The following DLGAP2 variants were observed in gnomAD, a reference collection of about 807,000 sequenced individuals.
The protein encoded by DLGAP2 is DLG associated protein 2.
Under a neutral mutation model 100.3 loss-of-function variants are expected in DLGAP2, and 26 were observed. That is an observed-to-expected ratio of 0.26 (90% CI 0.19 to 0.36). The LOEUF is 0.36. DLGAP2 is among the 10% of genes least tolerant of loss of function. DLGAP2 has a pLI of 1.00. For missense variants in DLGAP2, 1,858 were observed against 1,453.2 expected (o/e 1.28, Z -4.53); for synonymous variants, 886 against 630.1 (o/e 1.41, Z -6.08).
At chr8:1,063,246 C>A (rs376809193) in intron 2 of DLGAP2, among the ~76,000 whole-genome samples, 4 of 152,236 alleles carry the variant, frequency 2.6e-5, no homozygotes, top group African/African-American at 4.8e-5. Context: ...CAAGATTTAG[C>A]TGACCAAGTG....
At chr8:916,777 G>A (rs965937790) in intron 2 of DLGAP2, among the ~76,000 whole-genome samples, 2 of 152,250 alleles carry the variant, frequency 1.3e-5, no homozygotes, top group Non-Finnish European at 2.9e-5. Flanking sequence ...TGGCTGATTT[G>A]TTGGGCAGTG....
intron 2 of DLGAP2, among the ~76,000 whole-genome samples, chr8:1,025,658 C>A (rs575788577): frequency 6.6e-5 from 10 of 152,270 alleles, no homozygotes; most frequent in East Asian, 5.8e-4. Context: ...TGCCCACCCT[C>A]CCCTAGAGCC....
chr8:1,683,954 G>GTATGTATATATATATATA (rs1554430844), intron 12 of DLGAP2, among the ~76,000 whole-genome samples: 2 of 74,754 alleles, frequency 2.7e-5, no homozygotes, highest in African/African-American at 6.1e-5. Context: ...ATATATGTGT[G>GTATGTATATATATATATA]TATATATATA....
chr8:1,304,578 A>G (rs1242774253), intron 3 of DLGAP2, among the ~76,000 whole-genome samples: 1 of 152,236 alleles, frequency 6.6e-6, no homozygotes, highest in Admixed American at 6.5e-5. Context: ...AGAAAGTAGG[A>G]TGAGAAAAAA....
At chr8:1,163,095 G>A (rs1216303580) in intron 2 of DLGAP2, among the ~76,000 whole-genome samples, 1 of 152,160 alleles carries the variant, frequency 6.6e-6, no homozygotes, top group Non-Finnish European at 1.5e-5. Context: ...CCGGGGCTGC[G>A]GCGTGTTGGG....
Position 1,281,799 on chromosome 8 carries a change from C to G in DLGAP2, c.106+22916C>G, listed in dbSNP as rs1799818863. Among the ~76,000 whole-genome samples the G allele has an allele frequency of 2.6e-5, 4 of 152,160 alleles. No homozygotes were observed. In the South Asian group the frequency reaches 8.3e-4, roughly 32 times the overall value. ...GAACAGAGGCGTGGAGGGACGCGGT[C>G]CCACCCCACCAGCCTTTGATCTGCA... On this transcript the variant is annotated intron_variant, in intron 3 of 14. Coordinates refer to ENST00000637795, the MANE Select transcript of DLGAP2 (RefSeq NM_001346810.2).
intron 2 of DLGAP2, among the ~76,000 whole-genome samples, chr8:1,226,623 A>G (rs140179564): frequency 1.0e-3 from 154 of 152,320 alleles, no homozygotes; most frequent in South Asian, 1.7e-3. Flanking sequence ...AACTGAAAAA[A>G]TAAATGAAAT....
intron 3 of DLGAP2, chr8:1,381,079 A>G (rs1563117208): frequency 6.6e-6 from 1 of 152,106 alleles, no homozygotes; most frequent in African/African-American, 2.4e-5. Context: ...TAAGAGGCCA[A>G]TTAAAAATAA....
chr8:1,150,166 G>A (rs531274454), intron 2 of DLGAP2, among the ~76,000 whole-genome samples: 11 of 152,134 alleles, frequency 7.2e-5, no homozygotes, highest in African/African-American at 1.4e-4. Flanking sequence ...GAATCTCTTC[G>A]AAGAAAATTC....
chr8:1,584,351 C>G lies in DLGAP2; in HGVS notation c.1442+18457C>G, dbSNP rs1361953584. On this transcript the variant is annotated intron_variant, in intron 6 of 14. Transcript: ENST00000637795. ...CTGATTTCTTAAGCTCCTTTAGGTT[C>G]TATTAGTCAAAACGGGAGCAGACGC... Among the ~76,000 whole-genome samples, 5 of 152,322 alleles carry G rather than the reference C, an allele frequency of 3.3e-5. No individual in the cohort carries two copies. The South Asian group carries it at 1.0e-3, about 32-fold the overall frequency.
chr8:1,148,776 T>C (rs1243303880), intron 2 of DLGAP2, among the ~76,000 whole-genome samples: 2 of 152,236 alleles, frequency 1.3e-5, no homozygotes, highest in Non-Finnish European at 2.9e-5. Context: ...AGTCAGATAA[T>C]ATATTCTGAA....
chr8:1,256,085 C>CTTA (rs1799204079), intron 2 of DLGAP2, among the ~76,000 whole-genome samples: 1 of 128,914 alleles, frequency 7.8e-6, no homozygotes. Context: ...TGTGTGTCTT[C>CTTA]TCCTGCCCGG....
At chr8:1,160,874 G>C (rs1430678455) in intron 2 of DLGAP2, among the ~76,000 whole-genome samples, 2 of 152,202 alleles carry the variant, frequency 1.3e-5, no homozygotes. Context: ...TTAAATCTGA[G>C]TCTAGCAATC....
At chr8:1,505,150 T>C (rs906313034) in intron 4 of DLGAP2, among the ~76,000 whole-genome samples, 4 of 152,212 alleles carry the variant, frequency 2.6e-5, no homozygotes, top group Non-Finnish European at 5.9e-5. Context: ...CATCTTTAAA[T>C]TGAGAGGGTT....
At chr8:1,577,418 A>C (rs1457486597) in intron 6 of DLGAP2, among the ~76,000 whole-genome samples, 1 of 151,904 alleles carries the variant, frequency 6.6e-6, no homozygotes, top group Non-Finnish European at 1.5e-5. Context: ...AAAATTCAAA[A>C]ATTAGCTGGT....
At chr8:1,201,509 T>C (rs1233964377) in intron 2 of DLGAP2, among the ~76,000 whole-genome samples, 1 of 152,220 alleles carries the variant, frequency 6.6e-6, no homozygotes, top group Non-Finnish European at 1.5e-5. Flanking sequence ...GACAGTGTGC[T>C]TCAGCCCAGG....
At chr8:1,487,729 C>T (rs138207006) in intron 3 of DLGAP2, among the ~76,000 whole-genome samples, 128 of 152,318 alleles carry the variant, frequency 8.4e-4, no homozygotes, top group Middle Eastern at 3.4e-3. Context: ...CCCACCTGTG[C>T]ACTGCTGCGT....
chr8:972,897 G>A (rs1239022647), intron 2 of DLGAP2, among the ~76,000 whole-genome samples: 11 of 152,180 alleles, frequency 7.2e-5, no homozygotes, highest in Non-Finnish European at 1.5e-5. Context: ...TTAACCCTGA[G>A]TGGACACAGC....
chr8:943,058 C>A lies in DLGAP2; in HGVS notation c.73+35092C>A, dbSNP rs565010762. ...TGAGCTTGCGTGACTGACCACAATC[C>A]GAATTCCTGACTTTCAGAAGAAAAT... On this transcript the variant is annotated intron_variant, in intron 2 of 14. Transcript: ENST00000637795. Among the ~76,000 whole-genome samples the A allele has an allele frequency of 1.4e-3, 210 of 152,246 alleles. 1 individual carries two copies. Among genetic ancestry groups the A allele is most frequent in the African/African-American group, 5.0e-3 (206 of 41,544 alleles).
Sources: gnomAD v4.1 joint callset for allele counts (sites outside exome capture counted in the v4.1 genomes callset) on GRCh38, gnomAD v4.1.1 for gene constraint, MANE v1.5 for transcripts, NCBI Gene and HGNC (gene_info 2026-07-23, HGNC 2026-07-21) for gene names.